Variants in GNAS-AS1 observed in about 807,000 individuals in gnomAD.
The protein encoded by GNAS-AS1 is GNAS antisense RNA 1.
chr20:58,850,485 A>G (rs1568918827), intron 1 of GNAS-AS1: 4 of 398,210 alleles, frequency 1.0e-5, no homozygotes, highest in Non-Finnish European at 1.8e-5. Context: ...CCTTTGGAGC[A>G]CCCATGGCAG....
rs747367482 is a variant in GNAS-AS1 at position 58,840,445 on chromosome 20, C to T, written n.819+1492G>A. 1.9e-6 allele frequency: 3 copies of T among 1,613,186 alleles called. No homozygotes were observed. Among genetic ancestry groups the T allele is most frequent in the African/African-American group, 1.3e-5 (1 of 74,908 alleles). ...AAGAGTTCGACTACGAGACCGAGAG[C>T]GAGACCGAGTCCGAAATCGAGTCCG... On this transcript the variant is annotated intron_variant and non_coding_transcript_variant, in intron 4 of 4. Transcript: ENST00000424094. The surrounding 1 kb of genome is among the most constrained non-coding windows in gnomAD (Gnocchi z 6.0).
chr20:58,823,985 G>C (rs553974995), intron 4 of GNAS-AS1: 1 of 398,570 alleles, frequency 2.5e-6, no homozygotes, highest in Non-Finnish European at 4.4e-6. Flanking sequence ...CCTATGCAGC[G>C]AGGAAATCCC....
chr20:58,837,541 C>G (rs1043675464), intron 4 of GNAS-AS1, among the ~76,000 whole-genome samples: 2 of 152,252 alleles, frequency 1.3e-5, no homozygotes, highest in Non-Finnish European at 2.9e-5. Flanking sequence ...CTCCCAGGTT[C>G]AAGCAATTCT....
rs148835911 is a variant in GNAS-AS1 at position 58,836,604 on chromosome 20, C to T, written n.819+5333G>A. The T allele has an allele frequency of 2.6e-5, 4 of 152,362 alleles. No homozygotes were observed. The East Asian group carries it at 5.8e-4, about 22-fold the overall frequency. 9.4% of individuals were successfully genotyped at this position (152,362 alleles called of 1,614,324 possible). On this transcript the variant is annotated intron_variant and non_coding_transcript_variant, in intron 4 of 4. Coordinates refer to ENST00000424094, the Ensembl canonical transcript of GNAS-AS1. ...CAGACAGAGAGAGCCCCTTGTTCCT[C>T]AGCCCGGTAACAACAGAGGTGGTTC...
chr20:58,829,137 T>A (rs2085539530), intron 4 of GNAS-AS1, among the ~76,000 whole-genome samples: 1 of 152,256 alleles, frequency 6.6e-6, no homozygotes, highest in African/African-American at 2.4e-5. Flanking sequence ...CCTGCTTCTC[T>A]ACCTCAGTGA....
chr20:58,833,013 C>T (rs1160343604), intron 4 of GNAS-AS1, among the ~76,000 whole-genome samples: 1 of 152,234 alleles, frequency 6.6e-6, no homozygotes, highest in African/African-American at 2.4e-5. Flanking sequence ...GCTCTTTTGC[C>T]AGGGACCCTG....
rs771753113 is a variant in GNAS-AS1 at position 58,840,796 on chromosome 20, C to A, written n.819+1141G>T. On this transcript the variant is annotated intron_variant and non_coding_transcript_variant, in intron 4 of 4. Coordinates refer to ENST00000424094, the Ensembl canonical transcript of GNAS-AS1. This position sits in a 1 kb window ranked among gnomAD's most constrained non-coding sequence, Gnocchi z 6.0. ...AGAAGCCCACCCGCCGTGACGCGTC[C>A]CCGGAGTCCCCTTCCAAAAAGGGAC... is the stretch of plus-strand genomic sequence containing the variant. 6.2e-7 allele frequency: 1 copy of A among 1,612,246 alleles called. No homozygotes were observed. The highest frequency in any genetic ancestry group is 1.1e-5 in the South Asian group (1 of 91,088).
intron 4 of GNAS-AS1, among the ~76,000 whole-genome samples, chr20:58,836,883 T>G (rs1253564194): frequency 6.6e-6 from 1 of 152,206 alleles, no homozygotes; most frequent in East Asian, 1.9e-4. Flanking sequence ...AAATGTGTGT[T>G]TGCTGATTAA....
Position 58,840,089 on chromosome 20 carries a change from C to T in GNAS-AS1, n.819+1848G>A, listed in dbSNP as rs1423771273. On this transcript the variant is annotated intron_variant and non_coding_transcript_variant, in intron 4 of 4. Transcript: ENST00000424094. This position sits in a 1 kb window ranked among gnomAD's most constrained non-coding sequence, Gnocchi z 6.0. ...AGAGCCAGAGGGCAGGCCGGCTTCTCGGTGTGTGCCTAAGAGGATGGATCG... is the reference window on the plus strand; with the variant it reads ...AGAGCCAGAGGGCAGGCCGGCTTCTTGGTGTGTGCCTAAGAGGATGGATCG... 4.3e-6 allele frequency: 7 copies of T among 1,609,376 alleles called. No individual in the cohort carries two copies. The East Asian group carries it at 6.7e-5, about 15-fold the overall frequency.
Position 58,840,050 on chromosome 20 carries a change from G to C in GNAS-AS1, n.819+1887C>G, listed in dbSNP as rs140203361. 1.1e-3 allele frequency: 1,701 copies of C among 1,593,616 alleles called. 23 individuals are homozygous for C. In the African/African-American group the frequency reaches 0.021, roughly 19 times the overall value. The stretch of plus-strand genomic sequence containing the variant: ...CGGCTCCAGCAGCCAATGTGCTTCG[G>C]AGCCACTCTCTGCAGAGCCAGAGGG... On this transcript the variant is annotated intron_variant and non_coding_transcript_variant, in intron 4 of 4. Coordinates refer to ENST00000424094, the Ensembl canonical transcript of GNAS-AS1. This position sits in a 1 kb window ranked among gnomAD's most constrained non-coding sequence, Gnocchi z 6.0.
At chr20:58,825,865 G>C (rs1052836310) in intron 4 of GNAS-AS1, among the ~76,000 whole-genome samples, 1 of 152,216 alleles carries the variant, frequency 6.6e-6, no homozygotes, top group Non-Finnish European at 1.5e-5. Flanking sequence ...CGGCATGGAC[G>C]AGAGGGGAGC....
exon 1 of GNAS-AS1, chr20:58,850,844 C>A: frequency 2.5e-6 from 1 of 398,838 alleles, no homozygotes; most frequent in Non-Finnish European, 4.4e-6. Flanking sequence ...CACCCGCCCC[C>A]CACCGGCTTC....
intron 3 of GNAS-AS1, chr20:58,842,386 T>C (rs2085772894): frequency 2.5e-6 from 1 of 398,304 alleles, no homozygotes; most frequent in Non-Finnish European, 4.4e-6. Context: ...TGAATGACGG[T>C]CAGGTTCTTA....
chr20:58,821,104 A>G (rs1001019763), intron 4 of GNAS-AS1, among the ~76,000 whole-genome samples: 4 of 152,196 alleles, frequency 2.6e-5, no homozygotes, highest in South Asian at 2.1e-4. Context: ...TGCACTTGCA[A>G]TCAGACCCCA....
chr20:58,836,553 A>T (rs1177611904), intron 4 of GNAS-AS1: 4 of 152,158 alleles, frequency 2.6e-5, no homozygotes. Flanking sequence ...CCCGCAAGTG[A>T]TATATGCCCA....
Position 58,841,573 on chromosome 20 carries a change from C to T in GNAS-AS1, n.819+364G>A. ...GGCCGCCACAGCCCGCCTCCCGTCG[C>T]TCGCGGGACAGAGACCGCCTCAAAG... is the stretch of plus-strand genomic sequence containing the variant. On this transcript the variant is annotated intron_variant and non_coding_transcript_variant, in intron 4 of 4. Coordinates refer to ENST00000424094, the Ensembl canonical transcript of GNAS-AS1. The surrounding 1 kb of genome is among the most constrained non-coding windows in gnomAD (Gnocchi z 5.0). 1.0e-6 allele frequency: 1 copy of T among 1,004,510 alleles called. No individual in the cohort carries two copies. The highest frequency in any genetic ancestry group is 1.2e-6 in the Non-Finnish European group (1 of 843,104). 62.2% of individuals were successfully genotyped at this position (1,004,510 alleles called of 1,614,324 possible).
At position 58,840,025 on chromosome 20, in the gene GNAS-AS1, C is replaced by G. The variant is rs991793016; in HGVS notation, n.819+1912G>C. 10 of 1,521,300 alleles carry G rather than the reference C, an allele frequency of 6.6e-6. No individual in the cohort carries two copies. The East Asian group carries it at 1.1e-4, about 17-fold the overall frequency. The allele number at this position is 1,521,300 out of a possible 1,614,324, so 94.2% of individuals were successfully genotyped here. Reference sequence around the variant, plus strand: ...CTCACCTCATAGGGTGTACCTTTCCCGGCTCCAGCAGCCAATGTGCTTCGG... The same window carrying G: ...CTCACCTCATAGGGTGTACCTTTCCGGGCTCCAGCAGCCAATGTGCTTCGG... On this transcript the variant is annotated intron_variant and non_coding_transcript_variant, in intron 4 of 4. Transcript: ENST00000424094. This position sits in a 1 kb window ranked among gnomAD's most constrained non-coding sequence, Gnocchi z 6.0.
chr20:58,825,620 C>T (rs2085514444), intron 4 of GNAS-AS1, among the ~76,000 whole-genome samples: 1 of 152,162 alleles, frequency 6.6e-6, no homozygotes, highest in Non-Finnish European at 1.5e-5. Flanking sequence ...TGGAATATGG[C>T]AAAAACCGTG....
At chr20:58,843,060 T>A (rs1268834461) in intron 2 of GNAS-AS1, among the ~76,000 whole-genome samples, 1 of 152,184 alleles carries the variant, frequency 6.6e-6, no homozygotes, top group African/African-American at 2.4e-5. Flanking sequence ...TGTTCACATG[T>A]AGCGAGGAGG....
Sources: gnomAD v4.1 joint callset for allele counts (sites outside exome capture counted in the v4.1 genomes callset) on GRCh38, gnomAD v4.1.1 for gene constraint, Gnocchi (gnomAD v3.1) non-coding constraint, MANE v1.5 for transcripts, NCBI Gene and HGNC (gene_info 2026-07-23, HGNC 2026-07-21) for gene names.